Variants in ADGRD1 observed in about 807,000 individuals in gnomAD.
ADGRD1 encodes the protein G-protein coupled receptor 133.
Under a neutral mutation model 113.4 loss-of-function variants are expected in ADGRD1, and 77 were observed. The observed-to-expected ratio is 0.68, with a 90% CI of 0.57 to 0.82. The LOEUF (loss-of-function observed/expected upper bound fraction) is 0.82, where lower values mean the gene tolerates loss of function less well. ADGRD1 is among the 40% of genes least tolerant of loss of function. ADGRD1 has a pLI of 0.00. For synonymous variants in ADGRD1, 474 were observed against 475.0 expected (o/e 1.00, Z 0.03); for missense variants, 1,036 against 1,139.1 (o/e 0.91, Z 1.30).
intron 12 of ADGRD1, among the ~76,000 whole-genome samples, chr12:131,010,857 C>G (rs916942596): frequency 2.6e-5 from 4 of 152,276 alleles, no homozygotes; most frequent in East Asian, 3.9e-4. Context: ...TGGCTTTCCC[C>G]GGGCAGAGAT....
intron 20 of ADGRD1, among the ~76,000 whole-genome samples, chr12:131,127,373 T>C (rs1169892454): frequency 6.6e-6 from 1 of 152,242 alleles, no homozygotes; most frequent in East Asian, 1.9e-4. Flanking sequence ...CATGTGTGCA[T>C]CTTTCAGCTT....
At chr12:131,097,466 G>C (rs1347859257) in intron 15 of ADGRD1, among the ~76,000 whole-genome samples, 1 of 152,246 alleles carries the variant, frequency 6.6e-6, no homozygotes, top group Non-Finnish European at 1.5e-5. Context: ...CGGGCTGTCG[G>C]TTCATTTCCA....
At chr12:130,956,155 G>A (rs573963211) in intron 2 of ADGRD1, among the ~76,000 whole-genome samples, 12 of 152,320 alleles carry the variant, frequency 7.9e-5, no homozygotes, top group South Asian at 2.1e-4. Flanking sequence ...ATCCCAGGGC[G>A]ATACCCAGGC....
At chr12:130,990,136 G>C (rs1316022184) in intron 6 of ADGRD1, 2 of 152,176 alleles carry the variant, frequency 1.3e-5, no homozygotes, top group African/African-American at 4.8e-5. Context: ...GTAACTCATT[G>C]GCACCTGAGG....
At chr12:131,117,498 C>T (rs1950495135) in intron 18 of ADGRD1, among the ~76,000 whole-genome samples, 1 of 152,200 alleles carries the variant, frequency 6.6e-6, no homozygotes, top group South Asian at 2.1e-4. Flanking sequence ...CCCAAGCTCA[C>T]TGACATCCTT....
intron 13 of ADGRD1, among the ~76,000 whole-genome samples, chr12:131,032,577 C>A (rs1017120994): frequency 6.6e-6 from 1 of 152,228 alleles, no homozygotes; most frequent in African/African-American, 2.4e-5. Context: ...TGCAGCTCCA[C>A]GTGGTTGCTC....
intron 2 of ADGRD1, among the ~76,000 whole-genome samples, chr12:130,964,076 A>C (rs896342951): frequency 1.3e-5 from 2 of 152,054 alleles, no homozygotes; most frequent in Non-Finnish European, 2.9e-5. Context: ...TTTTCATTGA[A>C]CTATTTGATT....
intron 20 of ADGRD1, among the ~76,000 whole-genome samples, chr12:131,124,236 A>G (rs1338465653): frequency 1.3e-5 from 2 of 152,232 alleles, no homozygotes; most frequent in African/African-American, 4.8e-5. Flanking sequence ...TGAAGAAAGC[A>G]GGTTTTGGGA....
At chr12:131,019,457 G>A (rs1285466342) in intron 13 of ADGRD1, among the ~76,000 whole-genome samples, 2 of 152,200 alleles carry the variant, frequency 1.3e-5, no homozygotes, top group Admixed American at 6.5e-5. Flanking sequence ...TGCTCACTGC[G>A]TTCAACCAAA....
At chr12:131,105,035 T>C in intron 16 of ADGRD1, 101 bp downstream of exon 16, 1 of 820,922 alleles carries the variant, frequency 1.2e-6, no homozygotes, top group Non-Finnish European at 1.9e-6. Context: ...GCTGTGGAGG[T>C]AAGAGCACCA....
intron 6 of ADGRD1, chr12:130,990,724 G>A (rs779483860): frequency 7.1e-6 from 2 of 280,530 alleles, no homozygotes; most frequent in East Asian, 8.2e-5. Context: ...ATTTGAAATC[G>A]GTAATCCTTG....
At chr12:131,062,517 A>AG (rs976184379) in intron 13 of ADGRD1, among the ~76,000 whole-genome samples, 2 of 152,092 alleles carry the variant, frequency 1.3e-5, no homozygotes, top group Non-Finnish European at 1.5e-5. Flanking sequence ...CACATATCAA[A>AG]GGGGGGGCCA....
At chr12:131,014,622 A>G (rs73475016) in intron 13 of ADGRD1, among the ~76,000 whole-genome samples, 7,164 of 152,196 alleles carry the variant, frequency 0.047, 409 homozygotes, top group African/African-American at 0.14. Flanking sequence ...GATCTTCCTC[A>G]TTTATAACAA....
At chr12:131,104,809 G>A (rs571771674) in intron 15 of ADGRD1, 22 bp from the exon 16 acceptor site, 41 of 1,523,566 alleles carry the variant, frequency 2.7e-5, no homozygotes, top group South Asian at 1.4e-4. Context: ...TGCTGCTGAC[G>A]CCTCTGCTCT....
At position 131,117,260 on chromosome 12, in the gene ADGRD1, A is replaced by G. The variant is rs1215704395; in HGVS notation, c.2042-1125A>G. Among the ~76,000 whole-genome samples, 4 of 152,290 alleles carry G rather than the reference A, an allele frequency of 2.6e-5. No individual in the cohort carries two copies. In the East Asian group the frequency reaches 7.7e-4, roughly 29 times the overall value. On this transcript the variant is annotated intron_variant, in intron 18 of 24. Transcript: ENST00000261654. ...CCCAAAGTCTCACTTGGCTTTGTCA[A>G]ATATTAAACACATTTAATTTGTCAC... is the stretch of plus-strand genomic sequence containing the variant.
rs1883928790 is a variant in ADGRD1 at position 131,057,109 on chromosome 12, C to T, written c.1474-19692C>T. On this transcript the variant is annotated intron_variant, in intron 13 of 24. Coordinates refer to ENST00000261654, the MANE Select transcript of ADGRD1 (RefSeq NM_198827.5). This position sits in a 1 kb window ranked among gnomAD's most constrained non-coding sequence, Gnocchi z 4.2. ...AAAATTTAGAGAGATGATTTTGTGGCAACGACTTGGGTGTAATTTTTGAAG... is the reference window on the plus strand; with the variant it reads ...AAAATTTAGAGAGATGATTTTGTGGTAACGACTTGGGTGTAATTTTTGAAG... Among the ~76,000 whole-genome samples, 1 of 152,166 alleles carries T rather than the reference C, an allele frequency of 6.6e-6. No homozygotes were observed. Among genetic ancestry groups the T allele is most frequent in the Admixed American group, 6.5e-5 (1 of 15,280 alleles).
chr12:131,118,247 C>A (rs1200634639), intron 18 of ADGRD1, 138 bp from the exon 19 acceptor site: 1 of 634,256 alleles, frequency 1.6e-6, no homozygotes, highest in Non-Finnish European at 2.8e-6. Flanking sequence ...TGTGTCCCAA[C>A]AATTAGCACA....
In ADGRD1 at chr12:131,140,232, T is replaced by C. The variant is rs972831920; in HGVS notation, c.*969T>C. 2 of 152,238 alleles carry C rather than the reference T, an allele frequency of 1.3e-5. No individual in the cohort carries two copies. Among genetic ancestry groups the C allele is most frequent in the Non-Finnish European group, 2.9e-5 (2 of 68,074 alleles). The allele number at this position is 152,238 out of a possible 1,614,324, so 9.4% of individuals were successfully genotyped here. A position where few individuals can be genotyped will look rare whatever the true frequency, so the allele number is the denominator to read the frequency against. On this transcript the variant is annotated 3_prime_UTR_variant, in exon 25 of 25. Transcript: ENST00000261654. ...AGGCTTCCTCATGGCTCACAGGCAC[T>C]CTACGAAGTTTCTAATGGGCAGACC... is the stretch of plus-strand genomic sequence containing the variant.
intron 4 of ADGRD1, among the ~76,000 whole-genome samples, chr12:130,974,050 C>T (rs1458909231): frequency 6.6e-6 from 1 of 152,174 alleles, no homozygotes; most frequent in Non-Finnish European, 1.5e-5. Context: ...TCTCACTGTG[C>T]CCCCCTGGGT....
Sources: allele counts gnomAD v4.1 joint callset (sites outside exome capture counted in the v4.1 genomes callset), GRCh38; gene constraint gnomAD v4.1.1; non-coding constraint Gnocchi (gnomAD v3.1); transcripts MANE v1.5; gene names NCBI Gene and HGNC (gene_info 2026-07-23, HGNC 2026-07-21).